Variants in IL15RA observed in about 807,000 individuals in gnomAD.
IL15RA encodes interleukin 15 receptor subunit alpha, also known as interleukin-15 receptor subunit alpha.
Under a neutral mutation model 24.2 loss-of-function variants are expected in IL15RA, and 26 were observed. The ratio of observed to expected loss-of-function variants is 1.07; its 90% CI spans 0.79 to 1.49. The LOEUF is 1.49. IL15RA is among the 40% of genes most tolerant of loss of function. The probability of loss-of-function intolerance (pLI) is 0.00; values close to 1 mark genes in which losing one functional copy is unlikely to be tolerated. For synonymous variants in IL15RA, 166 were observed against 157.6 expected (o/e 1.05, Z -0.40); for missense variants, 354 against 356.4 (o/e 0.99, Z 0.05).
Position 5,959,700 on chromosome 10 carries a change from C to T in IL15RA, c.616+54G>A. 2 of 1,573,686 alleles carry T rather than the reference C, an allele frequency of 1.3e-6. No individual in the cohort carries two copies. Among genetic ancestry groups the T allele is most frequent in the East Asian group, 4.5e-5 (2 of 44,708 alleles). ...GCCTGGGCCAGGACCACCCAGCACC[C>T]TGGGACTGCGGTCACCCTGATCATA... is the stretch of plus-strand genomic sequence containing the variant. On this transcript the variant is annotated intron_variant, in intron 5 of 6. Coordinates refer to ENST00000379977, the MANE Select transcript of IL15RA (RefSeq NM_002189.4). The surrounding 1 kb of genome is among the most constrained non-coding windows in gnomAD (Gnocchi z 4.1).
chr10:5,953,092 G>T lies in IL15RA; in HGVS notation c.*3C>A, dbSNP rs879234120. On this transcript the variant is annotated 3_prime_UTR_variant, in exon 7 of 7. Transcript: ENST00000379977. The surrounding 1 kb of genome is among the most constrained non-coding windows in gnomAD (Gnocchi z 5.3). Reference sequence around the variant, plus strand: ...GACTTAGCTGGGCTGGTTTCCCCGAGTTTCATAGGTGGTGAGAGCAGTTTT... The same window carrying T: ...GACTTAGCTGGGCTGGTTTCCCCGATTTTCATAGGTGGTGAGAGCAGTTTT... The T allele has an allele frequency of 8.1e-6, 13 of 1,608,104 alleles. No homozygotes were observed. In the Admixed American group the frequency reaches 2.0e-4, roughly 25 times the overall value.
In IL15RA at chr10:5,965,086, C is replaced by T. The variant is rs74116532; in HGVS notation, c.283+1059G>A. 0.014 allele frequency among the ~76,000 whole-genome samples: 2,200 copies of T among 152,314 alleles called. 42 individuals are homozygous for T. Among genetic ancestry groups the T allele is most frequent in the African/African-American group, 0.05 (2,091 of 41,570 alleles). On this transcript the variant is annotated intron_variant, in intron 2 of 6. Transcript: ENST00000379977. This position sits in a 1 kb window ranked among gnomAD's most constrained non-coding sequence, Gnocchi z 5.8. Reference sequence around the variant, plus strand: ...TATGGGGCCGCTCCATGCAGGGGCGCGCTCATCCCTGCCCCAGAGATGAAC... The same window carrying T: ...TATGGGGCCGCTCCATGCAGGGGCGTGCTCATCCCTGCCCCAGAGATGAAC...
At chr10:5,974,892 AAAATAAATAAAAATTAAAAAT>A (rs1413368744) in intron 1 of IL15RA, among the ~76,000 whole-genome samples, 5 of 151,952 alleles carry the variant, frequency 3.3e-5, no homozygotes, top group East Asian at 1.9e-4. Flanking sequence ...AAGTAAATTA[AAAATAAATAAAAATTAAAAAT>A]AAATAAATAA....
Position 5,953,155 on chromosome 10 carries a change from C to T in IL15RA, c.744G>A (p.Pro248=), listed in dbSNP as rs778675420. 1.7e-5 allele frequency: 27 copies of T among 1,614,130 alleles called. No homozygotes were observed. The highest frequency in any genetic ancestry group is 1.7e-4 in the Admixed American group (10 of 60,012). The stretch of plus-strand genomic sequence containing the variant: ...CTCTGCTGCTGGTCCCCCAAGTCAC[C>T]GGCAGAGCCTCCATGGCTTCCATTT... The part of the protein sequence containing the change: ...SVEMEAMEAL[P]VTWGTSSRDE... Residue 248 remains proline (P), a synonymous_variant, in exon 7 of 7, where the codon CCG becomes CCA. Coordinates refer to ENST00000379977, the MANE Select transcript of IL15RA (RefSeq NM_002189.4). The surrounding 1 kb of genome is among the most constrained non-coding windows in gnomAD (Gnocchi z 5.3).
In IL15RA at chr10:5,968,661, C is replaced by T; in HGVS notation, c.89-2322G>A. The T allele has an allele frequency of 1.6e-6, 1 of 644,148 alleles. No homozygotes were observed. Among genetic ancestry groups the T allele is most frequent in the Admixed American group, 2.3e-5 (1 of 44,288 alleles). The allele number at this position is 644,148 out of a possible 1,614,324, so 39.9% of individuals were successfully genotyped here. A position where few individuals can be genotyped will look rare whatever the true frequency, so the allele number is the denominator to read the frequency against. On this transcript the variant is annotated intron_variant, in intron 1 of 6. Transcript: ENST00000379977. The surrounding 1 kb of genome is among the most constrained non-coding windows in gnomAD (Gnocchi z 5.4). ...TGCTGGAGTGTCAGAGGCTTTTTCT[C>T]CATGTTCTGCTCCACACTGATCTTC...
chr10:5,961,564 G>A lies in IL15RA; in HGVS notation c.383-997C>T, dbSNP rs1835546951. 6.6e-6 allele frequency among the ~76,000 whole-genome samples: 1 copy of A among 152,262 alleles called. No individual in the cohort carries two copies. The highest frequency in any genetic ancestry group is 1.5e-5 in the Non-Finnish European group (1 of 68,038). On this transcript the variant is annotated intron_variant, in intron 3 of 6. Transcript: ENST00000379977. This position sits in a 1 kb window ranked among gnomAD's most constrained non-coding sequence, Gnocchi z 5.2. ...CGGAGCGGCTGCGTGTGAAACACGG[G>A]AAGCCTGGGCTCTGGCCTGAACTCT...
chr10:5,969,145 G>T (rs1157090297), intron 1 of IL15RA, among the ~76,000 whole-genome samples: 2 of 152,002 alleles, frequency 1.3e-5, no homozygotes, highest in African/African-American at 4.8e-5. Context: ...CTTAAAGTCA[G>T]GTAGTATAAG....
At position 5,964,164 on chromosome 10, in the gene IL15RA, A is replaced by G. The variant is rs1439356393; in HGVS notation, c.284-323T>C. On this transcript the variant is annotated intron_variant, in intron 2 of 6. Transcript: ENST00000379977. The surrounding 1 kb of genome is among the most constrained non-coding windows in gnomAD (Gnocchi z 5.6). ...AATAAATGATCACTCAATAGATTCT[A>G]TTTTGTTTGTTTGAGACAGGGTCTT... 6.6e-6 allele frequency among the ~76,000 whole-genome samples: 1 copy of G among 152,016 alleles called. No homozygotes were observed. The highest frequency in any genetic ancestry group is 1.9e-4 in the East Asian group (1 of 5,188).
intron 5 of IL15RA, among the ~76,000 whole-genome samples, chr10:5,957,916 T>G (rs1263079776): frequency 6.6e-6 from 1 of 152,222 alleles, no homozygotes; most frequent in Non-Finnish European, 1.5e-5. Flanking sequence ...ATAAAAGTCA[T>G]GAACTAGCAA....
At position 5,960,597 on chromosome 10, in the gene IL15RA, T is replaced by A. The variant is rs1394962207; in HGVS notation, c.383-30A>T. On this transcript the variant is annotated intron_variant, in intron 3 of 6. Transcript: ENST00000379977. This position sits in a 1 kb window ranked among gnomAD's most constrained non-coding sequence, Gnocchi z 5.1. ...AGGAGAGTCCAAGGCAGGGACAACA[T>A]CAGTGTGCAGACTCCCCTCCTCTCA... 3 of 1,596,596 alleles carry A rather than the reference T, an allele frequency of 1.9e-6. No homozygotes were observed. Among genetic ancestry groups the A allele is most frequent in the Admixed American group, 3.4e-5 (2 of 59,504 alleles).
chr10:5,955,014 G>A lies in IL15RA; in HGVS notation c.692+1365C>T, dbSNP rs1810531432. 6.6e-6 allele frequency among the ~76,000 whole-genome samples: 1 copy of A among 151,950 alleles called. No homozygotes were observed. Among genetic ancestry groups the A allele is most frequent in the African/African-American group, 2.4e-5 (1 of 41,374 alleles). ...CACAGCTTTTGAAGATTTATGTGAA[G>A]TTTTAGATACTGGTTTTCATTTTGA... On this transcript the variant is annotated intron_variant, in intron 6 of 6. Transcript: ENST00000379977. This position sits in a 1 kb window ranked among gnomAD's most constrained non-coding sequence, Gnocchi z 5.3.
rs1235912624 is a variant in IL15RA, at chr10:5,966,384, T to C, written c.89-45A>G. ...AGGGGACGGTGAAGAGGTTTCCACTTGTAAGAGGCGTTCTCCAGGCACACG... is the reference window on the plus strand; with the variant it reads ...AGGGGACGGTGAAGAGGTTTCCACTCGTAAGAGGCGTTCTCCAGGCACACG... On this transcript the variant is annotated intron_variant, in intron 1 of 6. Transcript: ENST00000379977. The surrounding 1 kb of genome is among the most constrained non-coding windows in gnomAD (Gnocchi z 6.4). 4 of 1,524,136 alleles carry C rather than the reference T, an allele frequency of 2.6e-6. No homozygotes were observed. In the Admixed American group the frequency reaches 6.8e-5, roughly 26 times the overall value. The allele number at this position is 1,524,136 out of a possible 1,614,324, so 94.4% of individuals were successfully genotyped here.
rs987008823 is a variant in IL15RA at position 5,958,823 on chromosome 10, G to A, written c.616+931C>T. Among the ~76,000 whole-genome samples, 7 of 152,206 alleles carry A rather than the reference G, an allele frequency of 4.6e-5. No individual in the cohort carries two copies. The highest frequency in any genetic ancestry group is 1.7e-4 in the African/African-American group (7 of 41,456). On this transcript the variant is annotated intron_variant, in intron 5 of 6. Transcript: ENST00000379977. This position sits in a 1 kb window ranked among gnomAD's most constrained non-coding sequence, Gnocchi z 4.3. Reference sequence around the variant, plus strand: ...GTCATTCTCTAGCAGAAAAATTTATGAACAGAAGATTAAAATAATTTTTGT... The same window carrying A: ...GTCATTCTCTAGCAGAAAAATTTATAAACAGAAGATTAAAATAATTTTTGT...
downstream of IL15RA, among the ~76,000 whole-genome samples, chr10:5,949,497 C>G (rs1033220124): frequency 6.6e-6 from 1 of 152,006 alleles, no homozygotes; most frequent in Non-Finnish European, 1.5e-5. The surrounding 1 kb of genome is among the most constrained non-coding windows in gnomAD (Gnocchi z 4.4). Flanking sequence ...GGAGCACAGC[C>G]CTGGGGTGAG....
At chr10:5,977,228 G>C (rs754538828) in intron 1 of IL15RA, 177 bp downstream of exon 1, 59 of 364,298 alleles carry the variant, frequency 1.6e-4, no homozygotes, top group Non-Finnish European at 2.6e-4. Flanking sequence ...CTCCCGGCAC[G>C]TGTCCCTCCT....
At chr10:5,977,731 T>G (rs1267532607), upstream of IL15RA, 2 of 1,034,370 alleles carry the variant, frequency 1.9e-6, no homozygotes, top group Non-Finnish European at 2.5e-6. Context: ...GCCACCCCTG[T>G]CCCCGGGACG....
rs1417157226 is a variant in IL15RA at position 5,959,378 on chromosome 10, T to C, written c.616+376A>G. ...CACGGTGCCACGCCCTGGAGAGGAA[T>C]TGGCAGCTTCTGGCAGAGATGCTGT... On this transcript the variant is annotated intron_variant, in intron 5 of 6. Coordinates refer to ENST00000379977, the MANE Select transcript of IL15RA (RefSeq NM_002189.4). The surrounding 1 kb of genome is among the most constrained non-coding windows in gnomAD (Gnocchi z 4.1). Among the ~76,000 whole-genome samples the C allele has an allele frequency of 1.3e-5, 2 of 152,056 alleles. No individual in the cohort carries two copies. Among genetic ancestry groups the C allele is most frequent in the Non-Finnish European group, 2.9e-5 (2 of 67,998 alleles).
Position 5,960,787 on chromosome 10 carries a change from TAAAGA to T in IL15RA, c.383-225_383-221del, listed in dbSNP as rs1695797335. On this transcript the variant is annotated intron_variant, in intron 3 of 6. Coordinates refer to ENST00000379977, the MANE Select transcript of IL15RA (RefSeq NM_002189.4). This position sits in a 1 kb window ranked among gnomAD's most constrained non-coding sequence, Gnocchi z 5.1. The stretch of plus-strand genomic sequence containing the variant: ...AACATGGCTACTATCACGGCACGTA[TAAAGA>T]AAAGATCAGCCAGACACAGTGGGTC... Among the ~76,000 whole-genome samples, 1 of 152,088 alleles carries T rather than the reference TAAAGA, an allele frequency of 6.6e-6. No individual in the cohort carries two copies. Among genetic ancestry groups the T allele is most frequent in the African/African-American group, 2.4e-5 (1 of 41,402 alleles).
Position 5,958,167 on chromosome 10 carries a change from C to T in IL15RA, c.616+1587G>A, listed in dbSNP as rs1445108187. ...TGGAATATTCTGTAGCTGTTAAAAA[C>T]GATGAGATGGTTTTTGTGTCCTGAT... is the stretch of plus-strand genomic sequence containing the variant. On this transcript the variant is annotated intron_variant, in intron 5 of 6. Transcript: ENST00000379977. The surrounding 1 kb of genome is among the most constrained non-coding windows in gnomAD (Gnocchi z 4.3). 2.1e-5 allele frequency: 7 copies of T among 325,802 alleles called. No individual in the cohort carries two copies. Among genetic ancestry groups the T allele is most frequent in the South Asian group, 4.7e-5 (2 of 42,172 alleles). 20.2% of individuals were successfully genotyped at this position (325,802 alleles called of 1,614,324 possible). A position where few individuals can be genotyped will look rare whatever the true frequency, so the allele number is the denominator to read the frequency against.
Sources: allele counts gnomAD v4.1 joint callset (sites outside exome capture counted in the v4.1 genomes callset), GRCh38; gene constraint gnomAD v4.1.1; non-coding constraint Gnocchi (gnomAD v3.1); transcripts MANE v1.5; gene names NCBI Gene and HGNC (gene_info 2026-07-23, HGNC 2026-07-21).